The following FAM234A variants were observed in gnomAD, a reference collection of about 807,000 sequenced individuals.
FAM234A encodes the protein family with sequence similarity 234 member A.
FAM234A carries 42 observed loss-of-function variants against 49.1 expected under a neutral mutation model. The observed-to-expected ratio is 0.86, with a 90% confidence interval of 0.67 to 1.11. FAM234A has a LOEUF of 1.11. FAM234A is among the 50% of genes least tolerant of loss of function. FAM234A has a pLI of 0.00. For missense variants in FAM234A, 815 were observed against 745.2 expected (o/e 1.09, Z -1.09); for synonymous variants, 369 against 316.2 (o/e 1.17, Z -1.77).
At chr16:238,172 C>A (rs2050468791) in intron 1 of FAM234A, among the ~76,000 whole-genome samples, 1 of 152,138 alleles carries the variant, frequency 6.6e-6, no homozygotes, top group Non-Finnish European at 1.5e-5. Context: ...GTGTGCATCA[C>A]CATGCCGGGC....
At chr16:243,602 T>C (rs1284166547) in intron 1 of FAM234A, among the ~76,000 whole-genome samples, 7 of 152,258 alleles carry the variant, frequency 4.6e-5, no homozygotes, top group South Asian at 4.1e-4. Flanking sequence ...TGCCTGGCTT[T>C]GGCTGCCTTG....
Position 265,019 on chromosome 16 carries a change from G to C in FAM234A, c.1656G>C (p.Ala552=). Residue 552 remains alanine (A), a synonymous_variant, in exon 13 of 13, where the codon GCG becomes GCC. Coordinates refer to ENST00000399932, the MANE Select transcript of FAM234A (RefSeq NM_032039.4). ...RFSRLRYQSE[A] ...CCCGGCTGCGGTACCAGAGTGAGGCGTAGAGGCACGCCAGCCAGAGCCTGT... is the reference window on the plus strand; with the variant it reads ...CCCGGCTGCGGTACCAGAGTGAGGCCTAGAGGCACGCCAGCCAGAGCCTGT... 6.3e-7 allele frequency: 1 copy of C among 1,598,690 alleles called. No individual in the cohort carries two copies. Among genetic ancestry groups the C allele is most frequent in the Non-Finnish European group, 8.5e-7 (1 of 1,170,558 alleles).
chr16:269,137 GC>G, downstream of FAM234A: 3 of 904,576 alleles, frequency 3.3e-6, no homozygotes, highest in Non-Finnish European at 5.3e-6. Flanking sequence ...AGAAGACTGG[GC>G]CCCCTGGGCA....
At chr16:235,407 G>T (rs1390425298) in intron 1 of FAM234A, among the ~76,000 whole-genome samples, 2 of 152,176 alleles carry the variant, frequency 1.3e-5, no homozygotes, top group African/African-American at 4.8e-5. Context: ...TCTGTGGGAG[G>T]GACTCAGGCA....
intron 3 of FAM234A, among the ~76,000 whole-genome samples, chr16:258,822 C>T (rs1329347095): frequency 6.6e-6 from 1 of 152,184 alleles, no homozygotes; most frequent in Non-Finnish European, 1.5e-5. Context: ...CCAGCTCTGT[C>T]GGCCAGGCTG....
At chr16:237,164 G>A (rs1003145152) in intron 1 of FAM234A, among the ~76,000 whole-genome samples, 4 of 151,822 alleles carry the variant, frequency 2.6e-5, no homozygotes, top group Non-Finnish European at 4.4e-5. Context: ...CCTTGGCCTC[G>A]CAAAGTGTTA....
chr16:259,583 A>G lies in FAM234A; in HGVS notation c.369A>G (p.Arg123=). Residue 123 remains arginine, a synonymous_variant, in exon 4 of 13, where the codon CGA becomes CGG. Coordinates refer to ENST00000399932, the MANE Select transcript of FAM234A (RefSeq NM_032039.4). The part of the protein sequence containing the change: ...KNTNSSNNFS[R]SCVDEGFSSP... Reference sequence around the variant, plus strand: ...CCAACAGCAGCAACAATTTCAGCCGATCCTGTGTGGACGAAGGTAATTTCA... The same window carrying G: ...CCAACAGCAGCAACAATTTCAGCCGGTCCTGTGTGGACGAAGGTAATTTCA... 2 of 1,602,024 alleles carry G rather than the reference A, an allele frequency of 1.2e-6. No homozygotes were observed. Among genetic ancestry groups the G allele is most frequent in the Non-Finnish European group, 1.7e-6 (2 of 1,169,040 alleles).
intron 1 of FAM234A, among the ~76,000 whole-genome samples, chr16:242,662 G>T (rs2050660537): frequency 1.3e-5 from 2 of 150,584 alleles, no homozygotes; most frequent in South Asian, 4.2e-4. Flanking sequence ...GTCCAGGCTG[G>T]AGTGCAATGG....
intron 11 of FAM234A, 126 bp from the exon 12 acceptor site, chr16:264,488 G>T: frequency 1.3e-6 from 1 of 765,076 alleles, no homozygotes; most frequent in Non-Finnish European, 2.1e-6. Context: ...ACTGGGGGCT[G>T]GCATTTGGGG....
At chr16:266,687 G>A (rs1016292951), downstream of FAM234A, among the ~76,000 whole-genome samples, 24 of 152,328 alleles carry the variant, frequency 1.6e-4, no homozygotes, top group Admixed American at 1.2e-3. Context: ...GGGGGATGAG[G>A]TTGAACAGGT....
At chr16:237,733 A>T (rs1356808941) in intron 1 of FAM234A, among the ~76,000 whole-genome samples, 2 of 145,122 alleles carry the variant, frequency 1.4e-5, no homozygotes, top group Non-Finnish European at 3.0e-5. Context: ...TTTTTTTGAG[A>T]CAGAGTCTTC....
intron 2 of FAM234A, chr16:254,170 T>A (rs1283780542): frequency 9.3e-6 from 5 of 534,966 alleles, no homozygotes; most frequent in Non-Finnish European, 1.7e-5. Flanking sequence ...CACAGCTAAC[T>A]CGCCTTTCCA....
chr16:237,928 T>C (rs1282408325), intron 1 of FAM234A, among the ~76,000 whole-genome samples: 2 of 152,076 alleles, frequency 1.3e-5, no homozygotes, highest in East Asian at 3.9e-4. Context: ...CGTCTCAAAC[T>C]CCTGGCCTCA....
intron 9 of FAM234A, 55 bp downstream of exon 9, chr16:263,457 G>A: frequency 6.3e-7 from 1 of 1,592,102 alleles, no homozygotes; most frequent in East Asian, 2.2e-5. Context: ...CGGCATCCCG[G>A]GCACATCCCG....
chr16:261,576 A>C (rs1596841490), intron 6 of FAM234A, 62 bp downstream of exon 6: 1 of 1,508,834 alleles, frequency 6.6e-7, no homozygotes, highest in South Asian at 1.2e-5. Flanking sequence ...GCCCTGCTCT[A>C]CCTCCCCATC....
downstream of FAM234A, chr16:266,120 A>C: frequency 1.0e-6 from 1 of 979,072 alleles, no homozygotes; most frequent in Non-Finnish European, 1.2e-6. Context: ...GCGTGAGCCT[A>C]GCGTGTGTGC....
At chr16:269,627 C>CGG (rs771650578), downstream of FAM234A, 1 of 1,455,184 alleles carries the variant, frequency 6.9e-7, no homozygotes, top group Admixed American at 1.7e-5. Context: ...TCTGCCTCCT[C>CGG]ACCTCTCAGC....
rs914730156 is a variant in FAM234A, at chr16:262,514, G to T, written c.932G>T (p.Ser311Ile). ...GPFKSDPHWE[S>I]MLNATTRRML... is the part of the protein sequence containing the mutation. ...TTCAAGAGTGACCCGCACTGGGAGA[G>T]CATGCTCAATGCCACCACCCGCAGG... Residue 311 changes from serine to isoleucine, a missense_variant, in exon 8 of 13, where the codon AGC (serine) becomes ATC (isoleucine). Transcript: ENST00000399932. 2 of 1,611,240 alleles carry T rather than the reference G, an allele frequency of 1.2e-6. No individual in the cohort carries two copies. The highest frequency in any genetic ancestry group is 2.7e-5 in the African/African-American group (2 of 74,858).
downstream of FAM234A, among the ~76,000 whole-genome samples, chr16:266,804 A>G (rs9922188): frequency 0.11 from 16,918 of 152,156 alleles, 3,157 homozygotes; most frequent in African/African-American, 0.39. Flanking sequence ...GACGCGTCCT[A>G]TAAGTGAGAA....
Sources: allele counts gnomAD v4.1 joint callset (sites outside exome capture counted in the v4.1 genomes callset), GRCh38; gene constraint gnomAD v4.1.1; transcripts MANE v1.5; gene names NCBI Gene and HGNC (gene_info 2026-07-23, HGNC 2026-07-21).